Variants in IFNG-AS1 observed in about 807,000 individuals in gnomAD.
The protein encoded by IFNG-AS1 is IFNG regulatory antisense RNA 1.
chr12:68,019,059 C>T (rs888748260), intron 3 of IFNG-AS1, among the ~76,000 whole-genome samples: 3 of 152,024 alleles, frequency 2.0e-5, no homozygotes, highest in Admixed American at 1.3e-4. Context: ...TTTGATTAAG[C>T]GTTTGGGTCT....
intron 3 of IFNG-AS1, among the ~76,000 whole-genome samples, chr12:68,009,431 A>T (rs1214824493): frequency 1.3e-5 from 2 of 152,062 alleles, no homozygotes; most frequent in Admixed American, 1.3e-4. Context: ...CAACTTCTGC[A>T]TCCCAGTTCA....
intron 3 of IFNG-AS1, among the ~76,000 whole-genome samples, chr12:68,011,597 A>G (rs900241550): frequency 6.6e-6 from 1 of 152,226 alleles, no homozygotes; most frequent in African/African-American, 2.4e-5. Context: ...ATTTTGCTCA[A>G]TAATAACCTA....
chr12:68,006,946 G>A (rs1350064457), intron 3 of IFNG-AS1, among the ~76,000 whole-genome samples: 2 of 152,158 alleles, frequency 1.3e-5, no homozygotes, highest in Non-Finnish European at 2.9e-5. Context: ...AATAATAAAA[G>A]CATGTTGTTT....
chr12:68,001,915 A>G (rs565124973), intron 2 of IFNG-AS1, among the ~76,000 whole-genome samples: 1 of 152,250 alleles, frequency 6.6e-6, no homozygotes, highest in Non-Finnish European at 1.5e-5. Flanking sequence ...AGCTACCTGC[A>G]AATGAGGATA....
At chr12:68,011,190 C>T (rs1461082104) in intron 3 of IFNG-AS1, among the ~76,000 whole-genome samples, 1 of 152,162 alleles carries the variant, frequency 6.6e-6, no homozygotes, top group African/African-American at 2.4e-5. Flanking sequence ...AATAAATAAC[C>T]ATCTCATCGT....
intron 1 of IFNG-AS1, among the ~76,000 whole-genome samples, chr12:67,994,860 A>G (rs1592819092): frequency 6.6e-6 from 1 of 152,332 alleles, no homozygotes; most frequent in East Asian, 1.9e-4. Context: ...AGTTCATTTT[A>G]TTATTGGCTG....
chr12:67,990,300 T>C (rs1037478204), intron 1 of IFNG-AS1, among the ~76,000 whole-genome samples: 16 of 152,200 alleles, frequency 1.1e-4, no homozygotes, highest in African/African-American at 3.4e-4. Context: ...CTAAAAACAA[T>C]ATCTACAAAG....
chr12:67,991,839 T>C (rs1018897763), intron 1 of IFNG-AS1, among the ~76,000 whole-genome samples: 1 of 152,232 alleles, frequency 6.6e-6, no homozygotes, highest in African/African-American at 2.4e-5. Context: ...CTCTGTGACC[T>C]TGAAAAGTTT....
intron 3 of IFNG-AS1, among the ~76,000 whole-genome samples, chr12:68,006,950 G>T (rs1417993460): frequency 6.6e-6 from 1 of 152,192 alleles, no homozygotes; most frequent in Non-Finnish European, 1.5e-5. Context: ...ATAAAAGCAT[G>T]TTGTTTCAAG....
At chr12:68,013,615 A>G (rs746851728) in intron 3 of IFNG-AS1, 1 of 152,172 alleles carries the variant, frequency 6.6e-6, no homozygotes, top group Non-Finnish European at 1.5e-5. Context: ...TTGGTCAAAC[A>G]TTATTCTGGA....
chr12:68,019,049 T>C (rs1486491131), intron 3 of IFNG-AS1, among the ~76,000 whole-genome samples: 1 of 152,072 alleles, frequency 6.6e-6, no homozygotes, highest in Non-Finnish European at 1.5e-5. Context: ...ACTAAAATAA[T>C]TTGATTAAGC....
At chr12:68,011,674 C>A (rs57172552) in intron 3 of IFNG-AS1, among the ~76,000 whole-genome samples, 1 of 152,080 alleles carries the variant, frequency 6.6e-6, no homozygotes, top group African/African-American at 2.4e-5. Context: ...CTGGTGTCAA[C>A]AGAACCATCA....
At chr12:68,014,029 G>C (rs1383268708) in intron 3 of IFNG-AS1, among the ~76,000 whole-genome samples, 1 of 152,186 alleles carries the variant, frequency 6.6e-6, no homozygotes, top group Non-Finnish European at 1.5e-5. Context: ...ATATCAGGGA[G>C]AACATATGAT....
At chr12:67,997,391 TG>T (rs1490569304) in intron 2 of IFNG-AS1, among the ~76,000 whole-genome samples, 2 of 152,024 alleles carry the variant, frequency 1.3e-5, no homozygotes, top group Non-Finnish European at 2.9e-5. Context: ...ACAAAATTGC[TG>T]GGGCAAGAAA....
At chr12:67,996,523 T>C (rs1025781070) in intron 2 of IFNG-AS1, among the ~76,000 whole-genome samples, 4 of 152,202 alleles carry the variant, frequency 2.6e-5, no homozygotes. Context: ...CCCTCTTAAA[T>C]CTATGTAGCT....
intron 4 of IFNG-AS1, chr12:68,020,110 T>G (rs1880252239): frequency 6.6e-6 from 1 of 152,178 alleles, no homozygotes. Context: ...AAAGCCGGAC[T>G]AGGAAAAGGC....
chr12:67,993,903 T>G (rs2054135373), intron 1 of IFNG-AS1, among the ~76,000 whole-genome samples: 1 of 152,166 alleles, frequency 6.6e-6, no homozygotes, highest in Non-Finnish European at 1.5e-5. Context: ...TAAACATACG[T>G]TTAGTAAATT....
chr12:68,013,533 T>C lies in IFNG-AS1; in HGVS notation n.242-6329T>C, dbSNP rs540701461. 2.3e-4 allele frequency: 35 copies of C among 152,350 alleles called. 1 individual carries two copies. Among genetic ancestry groups the C allele is most frequent in the African/African-American group, 6.5e-4 (27 of 41,578 alleles). The allele number at this position is 152,350 out of a possible 1,614,324, so 9.4% of individuals were successfully genotyped here. A position where few individuals can be genotyped will look rare whatever the true frequency, so the allele number is the denominator to read the frequency against. On this transcript the variant is annotated intron_variant and non_coding_transcript_variant, in intron 3 of 5. Transcript: ENST00000536914. ...TGATCTATTAATACCTTCTACAGGG[T>C]CCAATGTGAAAAACACTAAGTGGGA...
chr12:68,001,140 A>ATG (rs1405355976), intron 2 of IFNG-AS1, among the ~76,000 whole-genome samples: 1 of 152,200 alleles, frequency 6.6e-6, no homozygotes, highest in Non-Finnish European at 1.5e-5. Flanking sequence ...ATGTATACAT[A>ATG]TGTGTGTGTA....
Sources: allele counts gnomAD v4.1 joint callset (sites outside exome capture counted in the v4.1 genomes callset), GRCh38; gene constraint gnomAD v4.1.1; transcripts MANE v1.5; gene names NCBI Gene and HGNC (gene_info 2026-07-23, HGNC 2026-07-21).